The following TGDS variants were observed in gnomAD, a reference collection of about 807,000 sequenced individuals.
TGDS encodes TDP-glucose 4,6-dehydratase.
Under a neutral mutation model 52.3 loss-of-function variants are expected in TGDS, and 47 were observed. That is an observed-to-expected ratio of 0.90 (90% confidence interval 0.71 to 1.15). The LOEUF (loss-of-function observed/expected upper bound fraction) is 1.15. Ranked by LOEUF, TGDS falls within the 50% of genes most tolerant of loss-of-function variation. TGDS has a pLI of 0.00. For missense variants in TGDS, 375 were observed against 418.4 expected (o/e 0.90, Z 0.90); for synonymous variants, 115 against 136.9 (o/e 0.84, Z 1.12).
chr13:94,592,195 T>C (rs1472742038), intron 3 of TGDS, 46 bp downstream of exon 3: 4 of 1,405,622 alleles, frequency 2.8e-6, no homozygotes, highest in East Asian at 4.6e-5. Context: ...CTATAATCTC[T>C]GCATGACTAA....
At chr13:94,588,093 TAATAA>T (rs2139535712) in intron 4 of TGDS, among the ~76,000 whole-genome samples, 1 of 149,908 alleles carries the variant, frequency 6.7e-6, no homozygotes, top group Admixed American at 6.6e-5. Flanking sequence ...GAACTTTCAC[TAATAA>T]TAAGACACCA....
chr13:94,596,251 C>G, upstream of TGDS: 2 of 1,183,746 alleles, frequency 1.7e-6, no homozygotes, highest in Non-Finnish European at 2.4e-6. Flanking sequence ...ACAGAGCAGC[C>G]AGAGGCAGCT....
At chr13:94,592,644 C>T (rs1056272552) in intron 2 of TGDS, among the ~76,000 whole-genome samples, 1 of 151,894 alleles carries the variant, frequency 6.6e-6, no homozygotes, top group Non-Finnish European at 1.5e-5. Flanking sequence ...GTAGTAGAGG[C>T]AGGGTTTCAC....
Position 94,587,788 on chromosome 13 carries a change from G to C in TGDS, c.313+3065C>G, listed in dbSNP as rs183499078. On this transcript the variant is annotated intron_variant, in intron 4 of 11. Transcript: ENST00000261296. ...TGAGGCGGGTGGATCACGAGGTCAG[G>C]AGATCGAGACCGTCCTGGCTAACAC... is the stretch of plus-strand genomic sequence containing the variant. 1.4e-4 allele frequency among the ~76,000 whole-genome samples: 22 copies of C among 151,888 alleles called. No individual in the cohort carries two copies. In the East Asian group the frequency reaches 4.3e-3, roughly 30 times the overall value.
chr13:94,574,608 G>C lies in TGDS; in HGVS notation c.*174C>G. On this transcript the variant is annotated 3_prime_UTR_variant, in exon 12 of 12. Transcript: ENST00000261296. ...ATTTTGACATTTAAATTCTATGCCA[G>C]TACTGAAACTCTCCCAAAGATTGAG... 3.7e-6 allele frequency: 2 copies of C among 545,358 alleles called. No homozygotes were observed. Among genetic ancestry groups the C allele is most frequent in the South Asian group, 5.3e-5 (2 of 37,802 alleles). The allele number at this position is 545,358 out of a possible 1,614,324, so 33.8% of individuals were successfully genotyped here. A position where few individuals can be genotyped will look rare whatever the true frequency, so the allele number is the denominator to read the frequency against.
chr13:94,590,536 T>A (rs1483904684), intron 4 of TGDS, among the ~76,000 whole-genome samples: 1 of 152,138 alleles, frequency 6.6e-6, no homozygotes, highest in East Asian at 1.9e-4. Flanking sequence ...ATAATGTCCA[T>A]CTGCATACCC....
chr13:94,596,261 T>C (rs2139553288), upstream of TGDS: 3 of 1,044,698 alleles, frequency 2.9e-6, no homozygotes, highest in East Asian at 5.3e-5. Context: ...CAGAGGCAGC[T>C]TCCGGAGACT....
At position 94,578,737 on chromosome 13, in the gene TGDS, T is replaced by C. The variant is rs1888689192; in HGVS notation, c.652A>G (p.Arg218Gly). The change falls in exon 8 of 12, where the codon AGG becomes GGG. Residue 218 changes from arginine to glycine, a missense_variant. Arg to Gly is a moderately radical substitution (Grantham distance 125). Coordinates refer to ENST00000261296, the MANE Select transcript of TGDS (RefSeq NM_014305.4). ...PKFISLLQHN[R>G]KCCIHGSGLQ... The stretch of plus-strand genomic sequence containing the variant: ...AAGGTAATAATAACATACCATTTCC[T>C]GTTGTGCTGTAGCAAAGATATAAAT... 1 of 1,530,978 alleles carries C rather than the reference T, an allele frequency of 6.5e-7. No individual in the cohort carries two copies. The allele number at this position is 1,530,978 out of a possible 1,614,324, so 94.8% of individuals were successfully genotyped here.
intron 6 of TGDS, 143 bp downstream of exon 6, chr13:94,580,948 G>T: frequency 2.2e-6 from 1 of 463,946 alleles, no homozygotes; most frequent in Non-Finnish European, 3.7e-6. Flanking sequence ...AGACCAGCCT[G>T]AGTGTCAGAT....
At position 94,574,859 on chromosome 13, in the gene TGDS, G is replaced by C; in HGVS notation, c.983-7C>G. On this transcript the variant is annotated splice_region_variant and splice_polypyrimidine_tract_variant and intron_variant, in intron 11 of 11. Coordinates refer to ENST00000261296, the MANE Select transcript of TGDS (RefSeq NM_014305.4). ...TTCTCTCTGTACCATTCAACTAATA[G>C]GAAAAAACAAAAGACAAAAAAAAAA... 1 of 1,506,710 alleles carries C rather than the reference G, an allele frequency of 6.6e-7. No individual in the cohort carries two copies. The highest frequency in any genetic ancestry group is 9.0e-7 in the Non-Finnish European group (1 of 1,116,094). The allele number at this position is 1,506,710 out of a possible 1,614,324, so 93.3% of individuals were successfully genotyped here. A position where few individuals can be genotyped will look rare whatever the true frequency, so the allele number is the denominator to read the frequency against.
Position 94,576,414 on chromosome 13 carries a change from T to C in TGDS, c.885-3A>G. The C allele has an allele frequency of 6.4e-7, 1 of 1,570,590 alleles. No individual in the cohort carries two copies. Among genetic ancestry groups the C allele is most frequent in the Non-Finnish European group, 8.6e-7 (1 of 1,157,448 alleles). The stretch of plus-strand genomic sequence containing the variant: ...GGTATCTCATGTCATTGGTGGGTCT[T>C]GGAAAACAAAACAGATTTAAAATAA... On this transcript the variant is annotated splice_region_variant and splice_polypyrimidine_tract_variant and intron_variant, in intron 10 of 11. Coordinates refer to ENST00000261296, the MANE Select transcript of TGDS (RefSeq NM_014305.4).
In TGDS at chr13:94,581,081, C is replaced by T; in HGVS notation, c.555+10G>A. 2.1e-6 allele frequency: 3 copies of T among 1,401,004 alleles called. No individual in the cohort carries two copies. Among genetic ancestry groups the T allele is most frequent in the Non-Finnish European group, 1.9e-6 (2 of 1,047,344 alleles). The allele number at this position is 1,401,004 out of a possible 1,614,324, so 86.8% of individuals were successfully genotyped here. ...AAAATGTTTCAAGAGTTTCTGCAAT[C>T]AGTTCTTACCTTATATTGTTCCCAG... is the stretch of plus-strand genomic sequence containing the variant. On this transcript the variant is annotated intron_variant, in intron 6 of 11. Coordinates refer to ENST00000261296, the MANE Select transcript of TGDS (RefSeq NM_014305.4).
upstream of TGDS, chr13:94,596,165 A>G (rs1889376160): frequency 6.2e-7 from 1 of 1,608,936 alleles, no homozygotes; most frequent in African/African-American, 1.3e-5. Context: ...CTAGTACCGT[A>G]AAGAGTATGG....
At chr13:94,578,285 T>C (rs532083873) in intron 8 of TGDS, 115 bp from the exon 9 acceptor site, 10 of 979,840 alleles carry the variant, frequency 1.0e-5, no homozygotes, top group African/African-American at 1.7e-5. Flanking sequence ...CCCAGAATCT[T>C]TACTGAAAAT....
intron 2 of TGDS, among the ~76,000 whole-genome samples, chr13:94,592,745 C>G (rs1249494908): frequency 6.6e-6 from 1 of 152,096 alleles, no homozygotes; most frequent in Non-Finnish European, 1.5e-5. Flanking sequence ...TGAGCCCAGC[C>G]TGTTTTTACA....
rs1281154644 is a variant in TGDS, at chr13:94,576,368, G to A, written c.928C>T (p.His310Tyr). 5 of 1,605,142 alleles carry A rather than the reference G, an allele frequency of 3.1e-6. No individual in the cohort carries two copies. Among genetic ancestry groups the A allele is most frequent in the Non-Finnish European group, 1.7e-6 (2 of 1,175,608 alleles). The part of the protein sequence containing the change: ...MRYPMKSEKI[H>Y]GLGWRPKVPW... The stretch of plus-strand genomic sequence containing the variant: ...ACTTTAGGTCTCCATCCTAAGCCAT[G>A]TATTTTTTCTGACTTCATTGGGTAT... The change falls in exon 11 of 12, where the codon CAT becomes TAT. Residue 310 changes from histidine to tyrosine, a missense_variant. Transcript: ENST00000261296.
intron 1 of TGDS, 141 bp downstream of exon 1, chr13:94,595,910 C>T: frequency 3.4e-6 from 3 of 885,130 alleles, no homozygotes; most frequent in Non-Finnish European, 5.5e-6. Flanking sequence ...AAAGCTGGTC[C>T]AGGTCGTGCA....
In TGDS at chr13:94,592,284, T is replaced by G. The variant is rs1378049960; in HGVS notation, c.179A>C (p.Asn60Thr). 4 of 1,610,694 alleles carry G rather than the reference T, an allele frequency of 2.5e-6. No homozygotes were observed. The highest frequency in any genetic ancestry group is 3.4e-6 in the Non-Finnish European group (4 of 1,179,246). ...CTGTTTGTTAGAAATGGTTTCAAGA[T>G]TCTTCAAGCTTGCACAGTAATCCAG... is the stretch of plus-strand genomic sequence containing the variant. ...DKLDYCASLKNLETISNKQNY... is the reference protein window; with the variant it reads ...DKLDYCASLKTLETISNKQNY... Residue 60 changes from asparagine to threonine, a missense_variant, in exon 3 of 12, where the codon AAT (asparagine) becomes ACT (threonine). Asn to Thr is a moderately conservative substitution (Grantham distance 65). Coordinates refer to ENST00000261296, the MANE Select transcript of TGDS (RefSeq NM_014305.4).
rs186438569 is a variant in TGDS, at chr13:94,596,125, C to T, written c.12G>A (p.Ala4=). 182 of 1,614,140 alleles carry T rather than the reference C, an allele frequency of 1.1e-4. 1 individual carries two copies. The Admixed American group carries it at 3.0e-3, about 26-fold the overall frequency. Residue 4 remains alanine (A), a synonymous_variant, in exon 1 of 12, where the codon GCG becomes GCA. Transcript: ENST00000261296. ...GAAGACCCCACGGTTCCTCCCAACA[C>T]GCCGCCGACATCTCCCAGCTCAGCA... MSA[A]CWEEPWGLPG...
Sources: allele counts gnomAD v4.1 joint callset (sites outside exome capture counted in the v4.1 genomes callset), GRCh38; gene constraint gnomAD v4.1.1; transcripts MANE v1.5; gene names NCBI Gene and HGNC (gene_info 2026-07-23, HGNC 2026-07-21).